The following RPUSD1 variants were observed in gnomAD, a reference collection of about 807,000 sequenced individuals.
RPUSD1 encodes pseudouridylate synthase RPUSD1.
A neutral mutation model predicts 22.4 loss-of-function variants in RPUSD1; 28 were observed. That is an observed-to-expected ratio of 1.25 (90% CI 0.93 to 1.72). The LOEUF (loss-of-function observed/expected upper bound fraction) is 1.72, where lower values mean the gene tolerates loss of function less well. Among genes scored for constraint, RPUSD1 ranks in the 40% most tolerant of loss-of-function variants. The pLI is 0.00. For synonymous variants in RPUSD1, 298 were observed against 201.0 expected (o/e 1.48, Z -4.08); for missense variants, 596 against 442.2 (o/e 1.35, Z -3.12).
At chr16:788,219 G>A (rs1318364116) in intron 1 of RPUSD1, 37 bp downstream of exon 1, 3 of 396,074 alleles carry the variant, frequency 7.6e-6, no homozygotes, top group African/African-American at 2.2e-5. Flanking sequence ...CCCTGGCTCC[G>A]AGCCCCTCCC....
intron 5 of RPUSD1, 146 bp downstream of exon 5, chr16:786,681 G>C (rs759902426): frequency 2.6e-6 from 2 of 783,696 alleles, no homozygotes; most frequent in South Asian, 1.4e-5. Context: ...GAGAAGCTGA[G>C]AGGCTGCAGG....
rs536007510 is a variant in RPUSD1 at position 787,278 on chromosome 16, C to T, written c.306+76G>A. ...CAACCACGTAGAGCGTGGTGGGAGG[C>T]TCTGAGCCAGGGCTGCCCAAGTGGG... On this transcript the variant is annotated intron_variant, in intron 3 of 5. Coordinates refer to ENST00000007264, the MANE Select transcript of RPUSD1 (RefSeq NM_058192.3). 28 of 1,547,360 alleles carry T rather than the reference C, an allele frequency of 1.8e-5. No individual in the cohort carries two copies. In the South Asian group the frequency reaches 2.1e-4, roughly 12 times the overall value.
rs761438615 is a variant in RPUSD1 at position 786,374 on chromosome 16, C to G, written c.515G>C (p.Arg172Pro). Residue 172 changes from arginine (R) to proline (P), a missense_variant, in exon 6 of 6, where the codon CGG (arginine) becomes CCG (proline). Coordinates refer to ENST00000007264, the MANE Select transcript of RPUSD1 (RefSeq NM_058192.3). The part of the protein sequence containing the change: ...SKVLLKPLTG[R>P]THQLRVHCSA... Reference sequence around the variant, plus strand: ...GCAGTGCACGCGCAGCTGGTGTGTCCGGCCTGCGGGATGAGGGCGGTGCCG... The same window carrying G: ...GCAGTGCACGCGCAGCTGGTGTGTCGGGCCTGCGGGATGAGGGCGGTGCCG... 2 of 1,603,090 alleles carry G rather than the reference C, an allele frequency of 1.2e-6. No individual in the cohort carries two copies. Among genetic ancestry groups the G allele is most frequent in the African/African-American group, 1.3e-5 (1 of 74,912 alleles).
Position 785,854 on chromosome 16 carries a change from C to G in RPUSD1, c.*96G>C. ...CCAGTGGGCCTGATGCTGCCTGGCA[C>G]CTCGAGGCCCCAGAGCCAGTGAGCA... On this transcript the variant is annotated 3_prime_UTR_variant, in exon 6 of 6. Transcript: ENST00000007264. The G allele has an allele frequency of 8.7e-7, 1 of 1,152,480 alleles. No individual in the cohort carries two copies. The highest frequency in any genetic ancestry group is 2.2e-5 in the South Asian group (1 of 44,818). The allele number at this position is 1,152,480 out of a possible 1,614,324, so 71.4% of individuals were successfully genotyped here. A position where few individuals can be genotyped will look rare whatever the true frequency, so the allele number is the denominator to read the frequency against.
chr16:787,017 T>C, intron 4 of RPUSD1, 60 bp downstream of exon 4: 4 of 1,566,414 alleles, frequency 2.6e-6, no homozygotes, highest in Non-Finnish European at 3.5e-6. Context: ...GGTGGGTCCC[T>C]GCCTGCCCAG....
rs768875557 is a variant in RPUSD1, at chr16:786,837, C to T, written c.501G>A (p.Lys167=). 2.5e-6 allele frequency: 4 copies of T among 1,613,064 alleles called. No individual in the cohort carries two copies. Among genetic ancestry groups the T allele is most frequent in the South Asian group, 2.2e-5 (2 of 91,082 alleles). The part of the protein sequence containing the change: ...AGDPVSKVLL[K]PLTGRTHQLR... ...CCACCCCAGACACACCCGTGAGCGG[C>T]TTCAGCAGCACTTTGGAGACAGGAT... Residue 167 remains lysine (K), a synonymous_variant, in exon 5 of 6, where the codon AAG becomes AAA. Coordinates refer to ENST00000007264, the MANE Select transcript of RPUSD1 (RefSeq NM_058192.3).
intron 3 of RPUSD1, 46 bp downstream of exon 3, chr16:787,308 G>T: frequency 6.4e-7 from 1 of 1,554,658 alleles, no homozygotes. Flanking sequence ...AGTGGGGTGG[G>T]AATCCTGAGT....
In RPUSD1 at chr16:785,636, A is replaced by C. The variant is rs2041875530; in HGVS notation, c.*314T>G. 1 of 328,350 alleles carries C rather than the reference A, an allele frequency of 3.0e-6. No individual in the cohort carries two copies. The highest frequency in any genetic ancestry group is 1.4e-4 in the South Asian group (1 of 7,080). 20.3% of individuals were successfully genotyped at this position (328,350 alleles called of 1,614,324 possible). A position where few individuals can be genotyped will look rare whatever the true frequency, so the allele number is the denominator to read the frequency against. On this transcript the variant is annotated 3_prime_UTR_variant, in exon 6 of 6. Transcript: ENST00000007264. Reference sequence around the variant, plus strand: ...CCGTAAAACTGACGCCCCTGGGGTGACGCTTGAGAGCCGGAAGCTGTTCCA... The same window carrying C: ...CCGTAAAACTGACGCCCCTGGGGTGCCGCTTGAGAGCCGGAAGCTGTTCCA...
Position 786,880 on chromosome 16 carries a change from T to G in RPUSD1, c.458A>C (p.His153Pro). ...PSLTDLVVLEHGLYAGDPVSK... is the reference protein window; with the variant it reads ...PSLTDLVVLEPGLYAGDPVSK... ...GACAGGATCGCCTGCGTACAGCCCG[T>G]GTTCCAGAACCACGAGATCTGTGAG... is the stretch of plus-strand genomic sequence containing the variant. The change falls in exon 5 of 6, where the codon CAC (histidine) becomes CCC (proline). Residue 153 changes from histidine (H) to proline (P), a missense_variant. His to Pro is a moderately conservative substitution (Grantham distance 77). Transcript: ENST00000007264. 1.9e-6 allele frequency: 3 copies of G among 1,613,310 alleles called. No individual in the cohort carries two copies. The South Asian group carries it at 3.3e-5, about 18-fold the overall frequency.
Position 785,701 on chromosome 16 carries a change from G to C in RPUSD1, c.*249C>G. The C allele has an allele frequency of 2.5e-6, 1 of 403,972 alleles. No individual in the cohort carries two copies. The highest frequency in any genetic ancestry group is 4.3e-6 in the Non-Finnish European group (1 of 229,920). 25.0% of individuals were successfully genotyped at this position (403,972 alleles called of 1,614,324 possible). On this transcript the variant is annotated 3_prime_UTR_variant, in exon 6 of 6. Transcript: ENST00000007264. ...CCTCGGTTTCTCCCGGGGCATGTGGGCAGGAAGGCCCTCGGGATCCCGCAT... is the reference window on the plus strand; with the variant it reads ...CCTCGGTTTCTCCCGGGGCATGTGGCCAGGAAGGCCCTCGGGATCCCGCAT...
In RPUSD1 at chr16:787,678, C is replaced by A. The variant is rs756069656; in HGVS notation, c.60G>T (p.Val20=). The A allele has an allele frequency of 1.2e-5, 20 of 1,612,194 alleles. No individual in the cohort carries two copies. The Admixed American group carries it at 3.3e-4, about 27-fold the overall frequency. The part of the protein sequence containing the change: ...SIVYRSRDFL[V]VNKHWDVRID... ...TGCGAACGTCCCAGTGCTTGTTGAC[C>A]ACCAGGAAGTCGCGGCTCCGGTACA... Residue 20 remains valine, a synonymous_variant, in exon 2 of 6, where the codon GTG becomes GTT. Coordinates refer to ENST00000007264, the MANE Select transcript of RPUSD1 (RefSeq NM_058192.3).
chr16:786,863 C>T lies in RPUSD1; in HGVS notation c.475G>A (p.Asp159Asn), dbSNP rs1416508953. 5.6e-6 allele frequency: 9 copies of T among 1,613,148 alleles called. No homozygotes were observed. Among genetic ancestry groups the T allele is most frequent in the Admixed American group, 3.3e-5 (2 of 60,006 alleles). Residue 159 changes from aspartate to asparagine, a missense_variant, in exon 5 of 6, where the codon GAT (aspartate) becomes AAT (asparagine). Asp to Asn is a conservative substitution (Grantham distance 23). Coordinates refer to ENST00000007264, the MANE Select transcript of RPUSD1 (RefSeq NM_058192.3). ...TTCAGCAGCACTTTGGAGACAGGAT[C>T]GCCTGCGTACAGCCCGTGTTCCAGA... ...VVLEHGLYAGDPVSKVLLKPL... is the reference protein window; with the variant it reads ...VVLEHGLYAGNPVSKVLLKPL...
In RPUSD1 at chr16:787,573, G is replaced by T. The variant is rs767716811; in HGVS notation, c.165C>A (p.Asp55Glu). 1.9e-6 allele frequency: 3 copies of T among 1,611,026 alleles called. No individual in the cohort carries two copies. The highest frequency in any genetic ancestry group is 2.5e-6 in the Non-Finnish European group (3 of 1,179,876). ...RYRFPELADP[D>E]TCYGFRFCHQ... ...CCCCCTACCTGAACCCGTAGCAGGT[G>T]TCAGGGTCGGCCAGCTCGGGAAAGC... Residue 55 changes from aspartate to glutamate, a missense_variant, in exon 2 of 6, where the codon GAC becomes GAA. Transcript: ENST00000007264.
At position 787,152 on chromosome 16, in the gene RPUSD1, C is replaced by A. The variant is rs2041961829; in HGVS notation, c.334G>T (p.Val112Leu). 1 of 1,606,966 alleles carries A rather than the reference C, an allele frequency of 6.2e-7. No individual in the cohort carries two copies. The change falls in exon 4 of 6, where the codon GTA (valine) becomes TTA (leucine). Residue 112 changes from valine (V) to leucine (L), a missense_variant. Val to Leu is a conservative substitution (Grantham distance 32, BLOSUM62 1). Transcript: ENST00000007264. ...CTGCCAATGGCATGGCTGATGGTTACCCGGCTCTCCTGGATGTGCCCCCGC... is the reference window on the plus strand; with the variant it reads ...CTGCCAATGGCATGGCTGATGGTTAACCGGCTCTCCTGGATGTGCCCCCGC... ...LLRGHIQESR[V>L]TISHAIGRNS... is the part of the protein sequence containing the mutation.
At chr16:786,414 C>A (rs376233700) in intron 5 of RPUSD1, 37 bp from the exon 6 acceptor site, 394 of 1,573,264 alleles carry the variant, frequency 2.5e-4, no homozygotes, top group Non-Finnish European at 3.3e-4. Flanking sequence ...AAGCTGGGAG[C>A]GGGGCCGATC....
In RPUSD1 at chr16:785,198, GT is replaced by G. The variant is rs1192262571; in HGVS notation, c.*751del. 1 of 152,552 alleles carries G rather than the reference GT, an allele frequency of 6.6e-6. No homozygotes were observed. Among genetic ancestry groups the G allele is most frequent in the Non-Finnish European group, 1.5e-5 (1 of 68,286 alleles). 9.4% of individuals were successfully genotyped at this position (152,552 alleles called of 1,614,324 possible). On this transcript the variant is annotated 3_prime_UTR_variant, in exon 6 of 6. Coordinates refer to ENST00000007264, the MANE Select transcript of RPUSD1 (RefSeq NM_058192.3). ...GGGCCCAAGAGACTGCAGCAGGTTGGTGCTCACAGTGGATCTGAGGGATGGG... is the reference window on the plus strand; with the variant it reads ...GGGCCCAAGAGACTGCAGCAGGTTGGGCTCACAGTGGATCTGAGGGATGGG...
chr16:786,334 G>A lies in RPUSD1; in HGVS notation c.555C>T (p.His185=). 6.2e-7 allele frequency: 1 copy of A among 1,612,462 alleles called. No individual in the cohort carries two copies. Among genetic ancestry groups the A allele is most frequent in the Non-Finnish European group, 8.5e-7 (1 of 1,179,814 alleles). ...QLRVHCSALG[H]PVVGDLTYGE... ...CGTAGGTCAGGTCGCCCACCACGGG[G>A]TGGCCCAGGGCACTGCAGTGCACGC... Residue 185 remains histidine (H), a synonymous_variant, in exon 6 of 6, where the codon CAC becomes CAT. Transcript: ENST00000007264.
chr16:786,033 G>C lies in RPUSD1; in HGVS notation c.856C>G (p.Pro286Ala), dbSNP rs574842437. ...GCCTCAGTCTCAGGGGGCTTGGTTG[G>C]GGGTGGAGGAGGCCGGCCGGGCCCA... The part of the protein sequence containing the change: ...LPGPGRPPPP[P>A]TKPPETEAQR... The change falls in exon 6 of 6, where the codon CCA becomes GCA. Residue 286 changes from proline (P) to alanine (A), a missense_variant. By Grantham distance (27) the Pro-to-Ala change is conservative. Coordinates refer to ENST00000007264, the MANE Select transcript of RPUSD1 (RefSeq NM_058192.3). 8 of 1,505,476 alleles carry C rather than the reference G, an allele frequency of 5.3e-6. No homozygotes were observed. In the African/African-American group the frequency reaches 5.5e-5, roughly 10 times the overall value. The allele number at this position is 1,505,476 out of a possible 1,614,324, so 93.3% of individuals were successfully genotyped here.
Position 786,036 on chromosome 16 carries a change from G to A in RPUSD1, c.853C>T (p.Pro285Ser), listed in dbSNP as rs2041893349. 2.0e-6 allele frequency: 3 copies of A among 1,510,024 alleles called. No individual in the cohort carries two copies. The highest frequency in any genetic ancestry group is 2.1e-5 in the Admixed American group (1 of 47,986). 93.5% of individuals were successfully genotyped at this position (1,510,024 alleles called of 1,614,324 possible). A position where few individuals can be genotyped will look rare whatever the true frequency, so the allele number is the denominator to read the frequency against. Residue 285 changes from proline to serine, a missense_variant, in exon 6 of 6, where the codon CCC (proline) becomes TCC (serine). Coordinates refer to ENST00000007264, the MANE Select transcript of RPUSD1 (RefSeq NM_058192.3). ...TCAGTCTCAGGGGGCTTGGTTGGGGGTGGAGGAGGCCGGCCGGGCCCAGGC... is the reference window on the plus strand; with the variant it reads ...TCAGTCTCAGGGGGCTTGGTTGGGGATGGAGGAGGCCGGCCGGGCCCAGGC... ...LLPGPGRPPP[P>S]PTKPPETEAQ...
Sources: gnomAD v4.1 joint callset for allele counts on GRCh38, gnomAD v4.1.1 for gene constraint, MANE v1.5 for transcripts, NCBI Gene and HGNC (gene_info 2026-07-23, HGNC 2026-07-21) for gene names.